PCDHA11: variants seen among roughly 807,000 people sequenced by gnomAD.
PCDHA11 encodes the protein protocadherin alpha 11.
In PCDHA11, 61 loss-of-function variants were observed where a neutral mutation model predicts 70.3. The ratio of observed to expected loss-of-function variants is 0.87; its 90% CI spans 0.71 to 1.07. The LOEUF (loss-of-function observed/expected upper bound fraction) is 1.07, where lower values mean the gene tolerates loss of function less well. Among genes scored for constraint, PCDHA11 ranks in the 50% least tolerant of loss-of-function variants. The probability of loss-of-function intolerance (pLI) is 0.00; values close to 1 mark genes in which losing one functional copy is unlikely to be tolerated. For synonymous variants in PCDHA11, 633 were observed against 555.1 expected (o/e 1.14, Z -1.97); for missense variants, 1,324 against 1,237.5 (o/e 1.07, Z -1.05).
intron 1 of PCDHA11, among the ~76,000 whole-genome samples, chr5:140,962,088 T>C (rs893852980): frequency 6.6e-6 from 1 of 152,092 alleles, no homozygotes; most frequent in Non-Finnish European, 1.5e-5. Flanking sequence ...GGTTTCACCA[T>C]GTTAGCCAGG....
In PCDHA11 at chr5:140,937,678, T is replaced by C. The variant is rs570305485; in HGVS notation, c.2392-41271T>C. On this transcript the variant is annotated intron_variant, in intron 1 of 3. Coordinates refer to ENST00000398640, the MANE Select transcript of PCDHA11 (RefSeq NM_018902.5). ...CTGTAATCCCAGCACTTTGGGAGGC[T>C]GAGGCAGGCGGATCACGAGGTCAGG... Among the ~76,000 whole-genome samples the C allele has an allele frequency of 5.4e-3, 825 of 151,734 alleles. 2 individuals are homozygous for C. Among genetic ancestry groups the C allele is most frequent in the African/African-American group, 0.019 (794 of 41,384 alleles).
chr5:140,887,482 CT>C lies in PCDHA11; in HGVS notation c.2391+15990del, dbSNP rs2061466213. 4.6e-5 allele frequency among the ~76,000 whole-genome samples: 7 copies of C among 152,170 alleles called. 1 individual carries two copies. The highest frequency in any genetic ancestry group is 4.6e-4 in the Admixed American group (7 of 15,274). ...AAGATATAATTCAGTTGTCTTCTGG[CT>C]TGCATAGTTTCTAATAAGATGTTTG... On this transcript the variant is annotated intron_variant, in intron 1 of 3. Coordinates refer to ENST00000398640, the MANE Select transcript of PCDHA11 (RefSeq NM_018902.5).
intron 1 of PCDHA11, among the ~76,000 whole-genome samples, chr5:140,950,542 A>G (rs1332265340): frequency 1.3e-5 from 2 of 152,014 alleles, no homozygotes; most frequent in Non-Finnish European, 2.9e-5. Flanking sequence ...TTGCTCTTGC[A>G]TGGCTGGGGG....
At chr5:140,920,136 C>T (rs1554199437) in intron 1 of PCDHA11, among the ~76,000 whole-genome samples, 1 of 152,182 alleles carries the variant, frequency 6.6e-6, no homozygotes, top group African/African-American at 2.4e-5. Flanking sequence ...TTTAATTCTC[C>T]TCTCCAAACC....
In PCDHA11 at chr5:140,924,786, T is replaced by G. The variant is rs2082007959; in HGVS notation, c.2391+53292T>G. Reference sequence around the variant, plus strand: ...GGTGCGCGCTTGTAGTCCTAGCTACTTAGGAGGCTGAGGCAAGAGAATCGC... The same window carrying G: ...GGTGCGCGCTTGTAGTCCTAGCTACGTAGGAGGCTGAGGCAAGAGAATCGC... On this transcript the variant is annotated intron_variant, in intron 1 of 3. Coordinates refer to ENST00000398640, the MANE Select transcript of PCDHA11 (RefSeq NM_018902.5). Among the ~76,000 whole-genome samples the G allele has an allele frequency of 4.6e-5, 7 of 151,720 alleles. No homozygotes were observed. In the South Asian group the frequency reaches 1.2e-3, roughly 27 times the overall value.
chr5:140,876,313 A>T, intron 1 of PCDHA11: 1 of 1,614,022 alleles, frequency 6.2e-7, no homozygotes, highest in East Asian at 2.2e-5. Flanking sequence ...TTCCTATGGG[A>T]TCAAAATGAT....
chr5:140,950,720 T>C (rs2094512536), intron 1 of PCDHA11, among the ~76,000 whole-genome samples: 1 of 152,106 alleles, frequency 6.6e-6, no homozygotes, highest in South Asian at 2.1e-4. Flanking sequence ...CTTATATCCT[T>C]AAATTTTTTA....
intron 1 of PCDHA11, among the ~76,000 whole-genome samples, chr5:140,891,246 AT>A (rs1213637493): frequency 2.0e-5 from 3 of 151,650 alleles, no homozygotes; most frequent in Non-Finnish European, 4.4e-5. Flanking sequence ...ATTCAGTAGG[AT>A]TTTTTTTAAT....
chr5:140,979,870 A>G (rs376036380), intron 2 of PCDHA11, among the ~76,000 whole-genome samples: 2 of 152,388 alleles, frequency 1.3e-5, no homozygotes, highest in South Asian at 2.1e-4. Context: ...TATCTGGGCA[A>G]CTATCAAGTG....
chr5:141,008,362 G>A (rs2098372939), intron 3 of PCDHA11, among the ~76,000 whole-genome samples: 1 of 152,172 alleles, frequency 6.6e-6, no homozygotes, highest in Non-Finnish European at 1.5e-5. Flanking sequence ...AACCAAAGGA[G>A]CAGTGTTAGA....
rs79215949 is a variant in PCDHA11 at position 140,921,420 on chromosome 5, C to T, written c.2391+49926C>T. Among the ~76,000 whole-genome samples, 1,220 of 152,204 alleles carry T rather than the reference C, an allele frequency of 8.0e-3. 6 individuals carry two copies. The highest frequency in any genetic ancestry group is 0.019 in the African/African-American group (786 of 41,526). On this transcript the variant is annotated intron_variant, in intron 1 of 3. Coordinates refer to ENST00000398640, the MANE Select transcript of PCDHA11 (RefSeq NM_018902.5). Reference sequence around the variant, plus strand: ...ACTAGATTTTCCTCTGTGCTGCAGACAAAAATTTTCTTCAATGGTGTCTGA... The same window carrying T: ...ACTAGATTTTCCTCTGTGCTGCAGATAAAAATTTTCTTCAATGGTGTCTGA...
chr5:140,877,632 G>A (rs2057247482), intron 1 of PCDHA11: 2 of 1,613,768 alleles, frequency 1.2e-6, no homozygotes, highest in East Asian at 4.5e-5. Context: ...TGTACACTGC[G>A]CTGCGTTGCT....
At chr5:140,964,753 T>A (rs1411001872) in intron 1 of PCDHA11, among the ~76,000 whole-genome samples, 1 of 149,084 alleles carries the variant, frequency 6.7e-6, no homozygotes, top group East Asian at 1.9e-4. Context: ...TGTAGGGATG[T>A]TTGGGGAGGA....
Position 140,869,331 on chromosome 5 carries a change from G to T in PCDHA11, c.228G>T (p.Glu76Asp). ...CCAAAACACATGGGGACCTTCTGGA[G>T]GTAAATCTGCAGAATGGCATTTTGT... ...VASKTHGDLL[E>D]VNLQNGILFV... The change falls in exon 1 of 4, where the codon GAG (glutamate) becomes GAT (aspartate). Residue 76 changes from glutamate (E) to aspartate (D), a missense_variant. Glu to Asp is a conservative substitution (Grantham distance 45). Transcript: ENST00000398640. 6.2e-7 allele frequency: 1 copy of T among 1,613,954 alleles called. No individual in the cohort carries two copies. The highest frequency in any genetic ancestry group is 8.5e-7 in the Non-Finnish European group (1 of 1,180,020).
intron 3 of PCDHA11, among the ~76,000 whole-genome samples, chr5:140,982,798 T>C (rs1310396823): frequency 2.0e-5 from 3 of 151,768 alleles, no homozygotes; most frequent in African/African-American, 7.3e-5. Flanking sequence ...TGTGTGCATG[T>C]GTGTGTGTGT....
At chr5:140,918,232 A>G (rs2078581718) in intron 1 of PCDHA11, among the ~76,000 whole-genome samples, 1 of 152,166 alleles carries the variant, frequency 6.6e-6, no homozygotes, top group African/African-American at 2.4e-5. Flanking sequence ...ATTTTTGTAC[A>G]TTGATTTTGT....
intron 3 of PCDHA11, among the ~76,000 whole-genome samples, chr5:140,991,890 T>A (rs1192590580): frequency 1.3e-5 from 2 of 152,192 alleles, no homozygotes; most frequent in Non-Finnish European, 2.9e-5. Context: ...CCATAACAAA[T>A]TAACACAAAA....
chr5:140,877,326 G>T (rs781931363), intron 1 of PCDHA11: 1 of 1,613,964 alleles, frequency 6.2e-7, no homozygotes, highest in East Asian at 2.2e-5. Flanking sequence ...CGGTCGGCGC[G>T]CACATCCCGT....
At chr5:140,888,189 T>C (rs1554183360) in intron 1 of PCDHA11, among the ~76,000 whole-genome samples, 2 of 152,344 alleles carry the variant, frequency 1.3e-5, no homozygotes. Flanking sequence ...TTGTGAATTT[T>C]ACATTGTCGG....
Sources: allele counts gnomAD v4.1 joint callset (sites outside exome capture counted in the v4.1 genomes callset), GRCh38; gene constraint gnomAD v4.1.1; transcripts MANE v1.5; gene names NCBI Gene and HGNC (gene_info 2026-07-23, HGNC 2026-07-21).